Variants in TRAPPC11 observed in about 807,000 individuals in gnomAD.
TRAPPC11 encodes the protein foie gras homolog.
In TRAPPC11, 104 loss-of-function variants were observed where a neutral mutation model predicts 151.2. The ratio of observed to expected loss-of-function variants is 0.69; its 90% CI spans 0.59 to 0.81. The LOEUF is 0.81. TRAPPC11 is among the 30% of genes least tolerant of loss of function. TRAPPC11 has a pLI of 0.00. For synonymous variants in TRAPPC11, 456 were observed against 472.3 expected (o/e 0.97, Z 0.45); for missense variants, 1,230 against 1,349.6 (o/e 0.91, Z 1.39).
intron 18 of TRAPPC11, among the ~76,000 whole-genome samples, chr4:183,690,797 A>G (rs1247237327): frequency 6.6e-6 from 1 of 152,154 alleles, no homozygotes; most frequent in Non-Finnish European, 1.5e-5. Flanking sequence ...GTGAGACCCC[A>G]TCTCTACAAA....
intron 10 of TRAPPC11, among the ~76,000 whole-genome samples, chr4:183,680,679 CTTTTTTTTTTTT>C (rs71589581): frequency 9.6e-5 from 8 of 82,964 alleles, no homozygotes; most frequent in African/African-American, 3.7e-4. Context: ...TATGGAGACT[CTTTTTTTTTTTT>C]TTTTTTTTTG....
chr4:183,682,906 A>G, intron 11 of TRAPPC11, 81 bp downstream of exon 11: 2 of 907,618 alleles, frequency 2.2e-6, no homozygotes, highest in South Asian at 1.5e-5. Context: ...TTGGCTGCAC[A>G]TGCATAAGAA....
Position 183,677,451 on chromosome 4 carries a change from C to G in TRAPPC11, c.735-7C>G. ...AATTTATATCATTAACCACCCTCCT[C>G]ATTTAGGAATTATAGGACCGCCTAT... On this transcript the variant is annotated splice_polypyrimidine_tract_variant and splice_region_variant and intron_variant, in intron 7 of 29. Coordinates refer to ENST00000334690, the MANE Select transcript of TRAPPC11 (RefSeq NM_021942.6). The G allele has an allele frequency of 3.3e-6, 5 of 1,533,674 alleles. No individual in the cohort carries two copies. The highest frequency in any genetic ancestry group is 4.5e-6 in the Non-Finnish European group (5 of 1,111,798).
At chr4:183,660,017 C>G (rs1477110543) in intron 1 of TRAPPC11, among the ~76,000 whole-genome samples, 4 of 152,236 alleles carry the variant, frequency 2.6e-5, no homozygotes, top group Non-Finnish European at 5.9e-5. Context: ...GATCTCCCAT[C>G]CATTATTCAC....
intron 17 of TRAPPC11, among the ~76,000 whole-genome samples, chr4:183,685,906 T>C (rs1282777178): frequency 6.6e-6 from 1 of 152,208 alleles, no homozygotes; most frequent in South Asian, 2.1e-4. Context: ...TGATCTCAGC[T>C]CACTGCAACC....
rs66913932 is a variant in TRAPPC11, at chr4:183,665,091, C to CTTTTTTTTTT, written c.204+1032_204+1041dup. On this transcript the variant is annotated intron_variant, in intron 2 of 29. Coordinates refer to ENST00000334690, the MANE Select transcript of TRAPPC11 (RefSeq NM_021942.6). ...TCACACGATTATTTTTCTTTTCTTT[C>CTTTTTTTTTT]TTTTTTTTTTTTTTTTTTTTTGAGA... 1.8e-3 allele frequency among the ~76,000 whole-genome samples: 196 copies of CTTTTTTTTTT among 106,364 alleles called. 1 individual carries two copies. The highest frequency in any genetic ancestry group is 2.2e-3 in the South Asian group (7 of 3,252). The allele number at this position is 106,364 out of a possible 152,430, so 69.8% of individuals were successfully genotyped here.
chr4:183,673,661 G>A lies in TRAPPC11; in HGVS notation c.561-1052G>A, dbSNP rs573326639. ...TGCACTCCAGCCTGGGCAACAGAGC[G>A]GGACCCTGTCTCAAAAATGAAATGA... On this transcript the variant is annotated intron_variant, in intron 5 of 29. Transcript: ENST00000334690. Among the ~76,000 whole-genome samples, 6 of 152,146 alleles carry A rather than the reference G, an allele frequency of 3.9e-5. No individual in the cohort carries two copies. The South Asian group carries it at 6.2e-4, about 16-fold the overall frequency.
In TRAPPC11 at chr4:183,693,049, C is replaced by T. The variant is rs1736335716; in HGVS notation, c.2139C>T (p.Ser713=). 6 of 1,613,702 alleles carry T rather than the reference C, an allele frequency of 3.7e-6. No individual in the cohort carries two copies. Among genetic ancestry groups the T allele is most frequent in the Non-Finnish European group, 5.1e-6 (6 of 1,179,782 alleles). ...WQGGGGDAAS[S]QEALQAARSF... ...GAGGAGGAGGAGATGCTGCTTCCTC[C>T]CAAGAAGCCTTACAGGCAGCTCGGT... is the stretch of plus-strand genomic sequence containing the variant. Residue 713 remains serine, a synonymous_variant, in exon 20 of 30, where the codon TCC becomes TCT. Coordinates refer to ENST00000334690, the MANE Select transcript of TRAPPC11 (RefSeq NM_021942.6).
In TRAPPC11 at chr4:183,691,299, C is replaced by T; in HGVS notation, c.1894-17C>T. 6.8e-7 allele frequency: 1 copy of T among 1,472,018 alleles called. No individual in the cohort carries two copies. The highest frequency in any genetic ancestry group is 9.1e-7 in the Non-Finnish European group (1 of 1,096,414). The allele number at this position is 1,472,018 out of a possible 1,614,324, so 91.2% of individuals were successfully genotyped here. On this transcript the variant is annotated splice_polypyrimidine_tract_variant and intron_variant, in intron 18 of 29. Transcript: ENST00000334690. ...GCAGACATCTGACATTTGATGACCCCTGTTCACCTTTTTCAGGAATACAAC... is the reference window on the plus strand; with the variant it reads ...GCAGACATCTGACATTTGATGACCCTTGTTCACCTTTTTCAGGAATACAAC...
rs1235420187 is a variant in TRAPPC11 at position 183,663,036 on chromosome 4, A to G, written c.-21-811A>G. 2.6e-5 allele frequency among the ~76,000 whole-genome samples: 4 copies of G among 152,076 alleles called. No homozygotes were observed. In the South Asian group the frequency reaches 8.3e-4, roughly 31 times the overall value. On this transcript the variant is annotated intron_variant, in intron 1 of 29. Coordinates refer to ENST00000334690, the MANE Select transcript of TRAPPC11 (RefSeq NM_021942.6). ...TTGTTTGACAGTTTGCAGATACTCA[A>G]AGCCTTTTGCCTTTTTGTAATGATT...
At chr4:183,694,099 G>A (rs1736405644) in intron 22 of TRAPPC11, 61 bp downstream of exon 22, 4 of 1,579,808 alleles carry the variant, frequency 2.5e-6, no homozygotes, top group African/African-American at 2.7e-5. Context: ...TAAATATATA[G>A]TGAGTTTTTA....
At position 183,665,964 on chromosome 4, in the gene TRAPPC11, G is replaced by C. The variant is rs528661829; in HGVS notation, c.205-293G>C. Among the ~76,000 whole-genome samples the C allele has an allele frequency of 6.0e-4, 75 of 125,296 alleles. No individual in the cohort carries two copies. In the South Asian group the frequency reaches 0.02, roughly 34 times the overall value. The allele number at this position is 125,296 out of a possible 152,430, so 82.2% of individuals were successfully genotyped here. A position where few individuals can be genotyped will look rare whatever the true frequency, so the allele number is the denominator to read the frequency against. Reference sequence around the variant, plus strand: ...TTTTTTTTTCTTTAGCAAAGTATTTGAGACCCTTGACATCATTAGACATGC... The same window carrying C: ...TTTTTTTTTCTTTAGCAAAGTATTTCAGACCCTTGACATCATTAGACATGC... On this transcript the variant is annotated intron_variant, in intron 2 of 29. Transcript: ENST00000334690.
intron 1 of TRAPPC11, among the ~76,000 whole-genome samples, chr4:183,661,361 CTTTTTTTTTTTTTTT>C (rs139201416): frequency 1.3e-5 from 1 of 79,392 alleles, no homozygotes; most frequent in Non-Finnish European, 2.2e-5. Flanking sequence ...TGTAGATTAC[CTTTTTTTTTTTTTTT>C]TTTTTTTTTT....
In TRAPPC11 at chr4:183,679,477, T is replaced by C; in HGVS notation, c.956T>C (p.Met319Thr). The C allele has an allele frequency of 2.5e-6, 4 of 1,605,818 alleles. No homozygotes were observed. Among genetic ancestry groups the C allele is most frequent in the Non-Finnish European group, 3.4e-6 (4 of 1,177,264 alleles). ...AELSFEHDAW[M>T]SKQFQAFGDL... ...CTGTCTTTTGAGCATGATGCATGGATGTCTAAACAGTATGTTTTACATTGT... is the reference window on the plus strand; with the variant it reads ...CTGTCTTTTGAGCATGATGCATGGACGTCTAAACAGTATGTTTTACATTGT... Residue 319 changes from methionine to threonine, a missense_variant, in exon 9 of 30, where the codon ATG becomes ACG. By Grantham distance (81) the Met-to-Thr change is moderately conservative. Transcript: ENST00000334690.
chr4:183,666,427 G>A lies in TRAPPC11; in HGVS notation c.374+1G>A. 1 of 1,612,090 alleles carries A rather than the reference G, an allele frequency of 6.2e-7. No individual in the cohort carries two copies. Among genetic ancestry groups the A allele is most frequent in the Non-Finnish European group, 8.5e-7 (1 of 1,178,858 alleles). On this transcript the variant is annotated splice_donor_variant, in intron 3 of 29. Transcript: ENST00000334690. LOFTEE classifies it high-confidence loss of function. ...GCGCCACCAGAGTGGAAATAGTCAGGTATGATCTTCTGTGTCAGGGCAGCT... is the reference window on the plus strand; with the variant it reads ...GCGCCACCAGAGTGGAAATAGTCAGATATGATCTTCTGTGTCAGGGCAGCT...
Position 183,663,403 on chromosome 4 carries a change from T to C in TRAPPC11, c.-21-444T>C, listed in dbSNP as rs547246908. On this transcript the variant is annotated intron_variant, in intron 1 of 29. Coordinates refer to ENST00000334690, the MANE Select transcript of TRAPPC11 (RefSeq NM_021942.6). ...CGCCCACCACCACGCCCGGCTAATT[T>C]TTTGGATATTTAGTAGAGACAGGGT... Among the ~76,000 whole-genome samples the C allele has an allele frequency of 3.3e-3, 504 of 152,232 alleles. 4 individuals are homozygous for C. Among genetic ancestry groups the C allele is most frequent in the African/African-American group, 0.012 (492 of 41,540 alleles).
At chr4:183,687,165 G>A (rs932960498) in intron 18 of TRAPPC11, among the ~76,000 whole-genome samples, 1 of 152,032 alleles carries the variant, frequency 6.6e-6, no homozygotes, top group African/African-American at 2.4e-5. Flanking sequence ...TGGTGACAGA[G>A]CAAGATCTGT....
At chr4:183,693,558 T>A in intron 20 of TRAPPC11, 31 bp from the exon 21 acceptor site, 1 of 1,571,688 alleles carries the variant, frequency 6.4e-7, no homozygotes, top group Non-Finnish European at 8.6e-7. Context: ...TTTTTTTTGA[T>A]CAGTTACTTA....
chr4:183,666,507 A>ACCTG (rs200908155), intron 3 of TRAPPC11, 81 bp downstream of exon 3: 15 of 1,408,186 alleles, frequency 1.1e-5, no homozygotes, highest in Non-Finnish European at 1.4e-5. Flanking sequence ...GCAATGGAGT[A>ACCTG]CCGTTCAGAC....
Sources: gnomAD v4.1 joint callset for allele counts (sites outside exome capture counted in the v4.1 genomes callset) on GRCh38, gnomAD v4.1.1 for gene constraint, MANE v1.5 for transcripts, NCBI Gene and HGNC (gene_info 2026-07-23, HGNC 2026-07-21) for gene names.